The following FUT9 variants were observed in gnomAD, a reference collection of about 807,000 sequenced individuals.
FUT9 encodes fucosyltransferase 9, also known as 4-galactosyl-N-acetylglucosaminide 3-alpha-L-fucosyltransferase 9.
Under a neutral mutation model 29.7 loss-of-function variants are expected in FUT9, and 15 were observed. The ratio of observed to expected loss-of-function variants is 0.51; its 90% confidence interval spans 0.34 to 0.78. FUT9 has a LOEUF of 0.78. Among genes scored for constraint, FUT9 ranks in the 30% least tolerant of loss-of-function variants. The probability of loss-of-function intolerance (pLI) is 0.01; values close to 1 mark genes in which losing one functional copy is unlikely to be tolerated. For missense variants in FUT9, 319 were observed against 425.4 expected (o/e 0.75, Z 2.20); for synonymous variants, 169 against 153.7 (o/e 1.10, Z -0.74).
intron 1 of FUT9, among the ~76,000 whole-genome samples, chr6:96,068,671 GGGCTAAGCTGTTACTA>G (rs1487740180): frequency 6.6e-6 from 1 of 152,154 alleles, no homozygotes; most frequent in Non-Finnish European, 1.5e-5. Context: ...AGATTTCAGT[GGGCTAAGCTGTTACTA>G]GAGAAACGAG....
At chr6:96,194,425 G>C (rs143895978) in intron 2 of FUT9, among the ~76,000 whole-genome samples, 1 of 152,162 alleles carries the variant, frequency 6.6e-6, no homozygotes, top group Non-Finnish European at 1.5e-5. Context: ...GATCAAAAGG[G>C]AGCACTAGGT....
chr6:96,025,716 TTTCTC>T (rs1481496936), intron 1 of FUT9, among the ~76,000 whole-genome samples: 2 of 151,656 alleles, frequency 1.3e-5, no homozygotes, highest in African/African-American at 4.8e-5. Context: ...GCTCTCATCT[TTTCTC>T]TTCCAGAAAG....
At chr6:96,173,171 T>A (rs1308615490) in intron 2 of FUT9, among the ~76,000 whole-genome samples, 1 of 152,130 alleles carries the variant, frequency 6.6e-6, no homozygotes, top group Non-Finnish European at 1.5e-5. Flanking sequence ...CTTCAGATAT[T>A]TGAGGTGCTG....
intron 2 of FUT9, among the ~76,000 whole-genome samples, chr6:96,175,886 G>A (rs958354378): frequency 3.3e-5 from 5 of 152,212 alleles, no homozygotes; most frequent in African/African-American, 9.6e-5. Flanking sequence ...GTTTTCAGAA[G>A]AGACTGGCTT....
In FUT9 at chr6:96,205,036, T is replaced by G. The variant is rs1231884273; in HGVS notation, c.*801T>G. 6.0e-6 allele frequency: 1 copy of G among 165,972 alleles called. No homozygotes were observed. The highest frequency in any genetic ancestry group is 1.5e-5 in the Non-Finnish European group (1 of 68,088). 10.3% of individuals were successfully genotyped at this position (165,972 alleles called of 1,614,324 possible). ...ACACTCATTGTCATAATAAAACAAA[T>G]AATTTCCTCAAATAACAAAGAAAAA... On this transcript the variant is annotated 3_prime_UTR_variant, in exon 3 of 3. Coordinates refer to ENST00000302103, the MANE Select transcript of FUT9 (RefSeq NM_006581.4).
intron 1 of FUT9, among the ~76,000 whole-genome samples, chr6:96,057,552 T>C (rs1405018891): frequency 6.6e-6 from 1 of 152,248 alleles, no homozygotes; most frequent in Non-Finnish European, 1.5e-5. Flanking sequence ...CATTTATACA[T>C]GTTGATTTTA....
chr6:96,035,040 G>T (rs1191693321), intron 1 of FUT9, among the ~76,000 whole-genome samples: 1 of 151,642 alleles, frequency 6.6e-6, no homozygotes, highest in Non-Finnish European at 1.5e-5. Context: ...ATAAAAGAGG[G>T]ACAAAAAGTC....
chr6:96,145,668 C>T (rs777687059), intron 2 of FUT9, among the ~76,000 whole-genome samples: 3 of 152,152 alleles, frequency 2.0e-5, no homozygotes, highest in Middle Eastern at 3.4e-3. Flanking sequence ...AAGGAGCTGA[C>T]CATGCTGATA....
chr6:96,184,893 A>T (rs895860469), intron 2 of FUT9, among the ~76,000 whole-genome samples: 1 of 152,080 alleles, frequency 6.6e-6, no homozygotes, highest in Non-Finnish European at 1.5e-5. Flanking sequence ...TCATAAATCC[A>T]TCAAAGTTTA....
At chr6:96,016,644 C>T (rs1338733173) in intron 1 of FUT9, among the ~76,000 whole-genome samples, 1 of 152,196 alleles carries the variant, frequency 6.6e-6, no homozygotes, top group East Asian at 1.9e-4. Flanking sequence ...CCCTGACCCA[C>T]CTTCTCTCCT....
chr6:96,180,609 G>T (rs1277559791), intron 2 of FUT9, among the ~76,000 whole-genome samples: 1 of 151,668 alleles, frequency 6.6e-6, no homozygotes, highest in Non-Finnish European at 1.5e-5. Flanking sequence ...CCAACCTTTG[G>T]CTATCCCCCT....
intron 2 of FUT9, among the ~76,000 whole-genome samples, chr6:96,175,837 T>C (rs1003521978): frequency 2.0e-5 from 3 of 152,178 alleles, no homozygotes; most frequent in Admixed American, 1.3e-4. Flanking sequence ...CCCAGATAGA[T>C]GGTAAAGCAT....
intron 1 of FUT9, among the ~76,000 whole-genome samples, chr6:96,109,337 A>G (rs557064970): frequency 9.9e-5 from 15 of 152,270 alleles, no homozygotes; most frequent in African/African-American, 3.6e-4. Flanking sequence ...TATAGATTGT[A>G]TAGTGTTTTT....
chr6:96,143,203 T>C (rs1772497952), intron 2 of FUT9, among the ~76,000 whole-genome samples: 1 of 152,172 alleles, frequency 6.6e-6, no homozygotes, highest in Non-Finnish European at 1.5e-5. Context: ...AAAGAAGCTC[T>C]AAAGAGCTGC....
chr6:96,201,789 A>G (rs1773729677), intron 2 of FUT9, among the ~76,000 whole-genome samples: 1 of 151,096 alleles, frequency 6.6e-6, no homozygotes, highest in African/African-American at 2.4e-5. Flanking sequence ...TTTGACAGGA[A>G]GCTGCAATCT....
At chr6:96,086,544 C>T (rs909762667) in intron 1 of FUT9, among the ~76,000 whole-genome samples, 1 of 152,152 alleles carries the variant, frequency 6.6e-6, no homozygotes, top group Admixed American at 6.6e-5. Flanking sequence ...AAGATATTCT[C>T]CTGTATTTTC....
Position 96,203,659 on chromosome 6 carries a change from T to C in FUT9, c.504T>C (p.Tyr168=). ...YRRDSDIQVP[Y]GFLTVSTNPF... is the part of the protein sequence containing the mutation. ...GTGATTCAGATATCCAAGTGCCTTA[T>C]GGCTTCTTGACGGTAAGCACAAATC... Residue 168 remains tyrosine, a synonymous_variant, in exon 3 of 3, where the codon TAT becomes TAC. Coordinates refer to ENST00000302103, the MANE Select transcript of FUT9 (RefSeq NM_006581.4). 3 of 1,614,094 alleles carry C rather than the reference T, an allele frequency of 1.9e-6. No homozygotes were observed. In the Admixed American group the frequency reaches 5.0e-5, roughly 27 times the overall value.
intron 1 of FUT9, among the ~76,000 whole-genome samples, chr6:96,091,598 G>A (rs1236264882): frequency 6.6e-6 from 1 of 152,036 alleles, no homozygotes; most frequent in Non-Finnish European, 1.5e-5. Flanking sequence ...AGAACATTTT[G>A]AAATATATAG....
intron 1 of FUT9, among the ~76,000 whole-genome samples, chr6:96,043,098 C>T (rs1300607050): frequency 1.3e-5 from 2 of 152,214 alleles, no homozygotes; most frequent in Non-Finnish European, 2.9e-5. Flanking sequence ...GTCGCCCAGG[C>T]TGGAGTGCGG....
Sources: gnomAD v4.1 joint callset for allele counts (sites outside exome capture counted in the v4.1 genomes callset) on GRCh38, gnomAD v4.1.1 for gene constraint, MANE v1.5 for transcripts, NCBI Gene and HGNC (gene_info 2026-07-23, HGNC 2026-07-21) for gene names.